GLI2: variants seen among roughly 807,000 people sequenced by gnomAD.
The protein encoded by GLI2 is GLI family zinc finger 2.
GLI2 carries 22 observed loss-of-function variants against 78.9 expected under a neutral mutation model. The observed-to-expected ratio is 0.28, with a 90% CI of 0.20 to 0.40. GLI2 has a LOEUF of 0.40. Ranked by LOEUF, GLI2 falls within the 10% of genes least tolerant of loss-of-function variation. The pLI is 1.00. For missense variants in GLI2, 2,097 were observed against 2,213.2 expected (o/e 0.95, Z 1.05); for synonymous variants, 974 against 963.7 (o/e 1.01, Z -0.20).
At chr2:120,913,768 G>A (rs915418003) in intron 2 of GLI2, among the ~76,000 whole-genome samples, 12 of 152,194 alleles carry the variant, frequency 7.9e-5, no homozygotes, top group African/African-American at 1.7e-4. Context: ...GGCTGATTCC[G>A]CTGCCCGGTT....
intron 2 of GLI2, among the ~76,000 whole-genome samples, chr2:120,899,529 G>T (rs987392791): frequency 2.0e-5 from 3 of 152,156 alleles, no homozygotes; most frequent in African/African-American, 7.2e-5. Flanking sequence ...CTGAGCCTGC[G>T]CAAGGCCATC....
chr2:120,769,540 AG>A (rs1683464873), intron 1 of GLI2, among the ~76,000 whole-genome samples: 1 of 152,216 alleles, frequency 6.6e-6, no homozygotes, highest in East Asian at 1.9e-4. Flanking sequence ...TGCTCACCCT[AG>A]GTGACAATGA....
intron 1 of GLI2, among the ~76,000 whole-genome samples, chr2:120,788,520 G>A (rs558120845): frequency 6.6e-6 from 1 of 152,338 alleles, no homozygotes; most frequent in African/African-American, 2.4e-5. Flanking sequence ...CAGCTTCCCA[G>A]AGGGAAAAAG....
At chr2:120,932,332 C>T (rs1024278652) in intron 3 of GLI2, among the ~76,000 whole-genome samples, 3 of 152,182 alleles carry the variant, frequency 2.0e-5, no homozygotes, top group African/African-American at 7.2e-5. Flanking sequence ...TCAGCCCTTG[C>T]ACCTCCTGCT....
chr2:120,904,464 G>T (rs569554312), intron 2 of GLI2, among the ~76,000 whole-genome samples: 1 of 152,216 alleles, frequency 6.6e-6, no homozygotes, highest in African/African-American at 2.4e-5. Context: ...CGAGCTCTGG[G>T]TTTTGGTTTT....
chr2:120,824,925 A>G (rs1440006878), intron 2 of GLI2, among the ~76,000 whole-genome samples: 1 of 151,978 alleles, frequency 6.6e-6, no homozygotes, highest in Non-Finnish European at 1.5e-5. Flanking sequence ...AGCCTCGACC[A>G]CCCGGGCTCA....
At position 120,947,832 on chromosome 2, in the gene GLI2, C is replaced by T. The variant is rs138447688; in HGVS notation, c.255-3411C>T. 6.5e-4 allele frequency among the ~76,000 whole-genome samples: 99 copies of T among 152,300 alleles called. No homozygotes were observed. In the East Asian group the frequency reaches 0.012, roughly 19 times the overall value. Reference sequence around the variant, plus strand: ...CATCCTGCCCCACCTTGCTGCATCCCGAGAGCATTTGTATCTGCCTCCGGG... The same window carrying T: ...CATCCTGCCCCACCTTGCTGCATCCTGAGAGCATTTGTATCTGCCTCCGGG... On this transcript the variant is annotated intron_variant, in intron 3 of 13. Transcript: ENST00000361492.
At chr2:120,985,636 T>G (rs904666545) in intron 12 of GLI2, among the ~76,000 whole-genome samples, 2 of 152,178 alleles carry the variant, frequency 1.3e-5, no homozygotes, top group African/African-American at 4.8e-5. Flanking sequence ...GAGGTGGTGG[T>G]GCATCTGGTG....
intron 3 of GLI2, among the ~76,000 whole-genome samples, chr2:120,947,252 G>T (rs1680754844): frequency 6.6e-6 from 1 of 152,240 alleles, no homozygotes; most frequent in African/African-American, 2.4e-5. Context: ...CCCCACCTGG[G>T]TTGGTTGTGG....
chr2:120,984,635 T>A lies in GLI2; in HGVS notation c.1797T>A (p.Ser599Arg). 1 of 1,614,090 alleles carries A rather than the reference T, an allele frequency of 6.2e-7. No individual in the cohort carries two copies. Among genetic ancestry groups the A allele is most frequent in the Non-Finnish European group, 8.5e-7 (1 of 1,179,996 alleles). ...RTPLLKENGD[S>R]EAGTEPGGPE... ...CGCTGCTCAAAGAGAATGGGGACAG[T>A]GAGGCCGGCACGGAGCCTGGCGGCC... Residue 599 changes from serine (S) to arginine (R), a missense_variant, in exon 12 of 14, where the codon AGT becomes AGA. By Grantham distance (110) the Ser-to-Arg change is moderately radical. Around this residue, in one of 5 missense-constraint regions of GLI2, gnomAD observed 57 missense variants for 44.5 expected, o/e 1.28. Transcript: ENST00000361492.
chr2:120,830,709 C>T (rs1409928861), intron 2 of GLI2, among the ~76,000 whole-genome samples: 1 of 152,186 alleles, frequency 6.6e-6, no homozygotes, highest in Non-Finnish European at 1.5e-5. Context: ...GTGCCCTTCC[C>T]AGAACCTCAT....
intron 1 of GLI2, among the ~76,000 whole-genome samples, chr2:120,754,525 T>C (rs1332433496): frequency 6.6e-6 from 1 of 152,182 alleles, no homozygotes; most frequent in African/African-American, 2.4e-5. Flanking sequence ...ATACAGGATG[T>C]CCTCATTTTT....
chr2:120,984,148 AG>A (rs1210329021), intron 11 of GLI2, among the ~76,000 whole-genome samples: 1 of 152,120 alleles, frequency 6.6e-6, no homozygotes, highest in Non-Finnish European at 1.5e-5. Flanking sequence ...ACTTGCTACT[AG>A]TACTAAAAAC....
chr2:120,865,055 G>A (rs944910891), intron 2 of GLI2, among the ~76,000 whole-genome samples: 1 of 152,210 alleles, frequency 6.6e-6, no homozygotes, highest in African/African-American at 2.4e-5. Context: ...CTGAGGGGAA[G>A]GGCTGGTGAT....
intron 2 of GLI2, among the ~76,000 whole-genome samples, chr2:120,862,349 G>T (rs1490407989): frequency 3.3e-5 from 5 of 152,196 alleles, no homozygotes; most frequent in Admixed American, 6.5e-5. Context: ...CCCTCCGCCA[G>T]GCTCCTGCTG....
At chr2:120,758,303 C>T (rs918517519) in intron 1 of GLI2, among the ~76,000 whole-genome samples, 4 of 152,268 alleles carry the variant, frequency 2.6e-5, no homozygotes, top group African/African-American at 9.6e-5. Flanking sequence ...AGCGTGGGAG[C>T]TGCATCAGGG....
At chr2:120,807,871 C>T (rs533403222) in intron 2 of GLI2, among the ~76,000 whole-genome samples, 42 of 152,216 alleles carry the variant, frequency 2.8e-4, no homozygotes, top group Middle Eastern at 6.8e-3. Flanking sequence ...TCCCCGCCCC[C>T]GCCACCCTGA....
At chr2:120,911,541 G>A (rs986023750) in intron 2 of GLI2, among the ~76,000 whole-genome samples, 2 of 152,110 alleles carry the variant, frequency 1.3e-5, no homozygotes, top group African/African-American at 2.4e-5. Context: ...ACTGACAGTC[G>A]GTAGCTACTG....
chr2:120,971,113 G>C (rs1682145699), intron 7 of GLI2, among the ~76,000 whole-genome samples: 1 of 152,210 alleles, frequency 6.6e-6, no homozygotes, highest in Admixed American at 6.5e-5. Context: ...AAGGGCACAG[G>C]CCTTAGCATC....
Sources: gnomAD v4.1 joint callset for allele counts (sites outside exome capture counted in the v4.1 genomes callset) on GRCh38, gnomAD v4.1.1 for gene constraint, gnomAD v4.1.1 regional missense constraint, MANE v1.5 for transcripts, NCBI Gene and HGNC (gene_info 2026-07-23, HGNC 2026-07-21) for gene names.